FRMD4B: variants seen among roughly 807,000 people sequenced by gnomAD.
FRMD4B encodes the protein FERM domain-containing protein 4B.
Under a neutral mutation model 141.5 loss-of-function variants are expected in FRMD4B, and 74 were observed. That is an observed-to-expected ratio of 0.52 (90% confidence interval 0.43 to 0.63). The LOEUF (loss-of-function observed/expected upper bound fraction) is 0.63, where lower values mean the gene tolerates loss of function less well. Among genes scored for constraint, FRMD4B ranks in the 30% least tolerant of loss-of-function variants. The probability of loss-of-function intolerance (pLI) is 0.00; values close to 1 mark genes in which losing one functional copy is unlikely to be tolerated. For missense variants in FRMD4B, 1,366 were observed against 1,253.4 expected, an observed-to-expected ratio of 1.09 and a Z score of -1.36; for synonymous variants, 506 against 467.9, an observed-to-expected ratio of 1.08 and a Z score of -1.05.
chr3:69,413,274 A>C (rs1284097056), intron 2 of FRMD4B, among the ~76,000 whole-genome samples: 2 of 152,138 alleles, frequency 1.3e-5, no homozygotes, highest in Admixed American at 6.5e-5. Context: ...TTAATCTCTC[A>C]ATGACTCTAT....
At chr3:69,190,972 G>A (rs747185344) in intron 17 of FRMD4B, among the ~76,000 whole-genome samples, 34 of 152,194 alleles carry the variant, frequency 2.2e-4, no homozygotes, top group Admixed American at 1.2e-3. Flanking sequence ...GGGGTGAGGC[G>A]TTAGAATAAC....
At chr3:69,487,639 T>C (rs962534308) in intron 1 of FRMD4B, among the ~76,000 whole-genome samples, 2 of 152,200 alleles carry the variant, frequency 1.3e-5, no homozygotes, top group African/African-American at 4.8e-5. Context: ...CAAAGATCAC[T>C]CTTCTGTTTG....
intron 1 of FRMD4B, among the ~76,000 whole-genome samples, chr3:69,477,168 C>T (rs1163952194): frequency 2.6e-5 from 4 of 152,126 alleles, no homozygotes; most frequent in African/African-American, 9.7e-5. Flanking sequence ...AATTTGACTT[C>T]CTCTTTTCCT....
At position 69,429,970 on chromosome 3, in the gene FRMD4B, A is replaced by G. The variant is rs537036716; in HGVS notation, c.-1+2664T>C. On this transcript the variant is annotated intron_variant, in intron 2 of 5. Transcript: ENST00000459638. ...GAGACAGGGTTTCATCATGTTGACC[A>G]TGCTGGTCTCAAACTCCTGACCTCA... Among the ~76,000 whole-genome samples, 76 of 151,942 alleles carry G rather than the reference A, an allele frequency of 5.0e-4. 1 individual carries two copies. The South Asian group carries it at 0.014, about 28-fold the overall frequency.
At chr3:69,271,638 T>C (rs2093594781) in intron 5 of FRMD4B, among the ~76,000 whole-genome samples, 1 of 152,160 alleles carries the variant, frequency 6.6e-6, no homozygotes, top group African/African-American at 2.4e-5. Context: ...GAAATAGAGA[T>C]AGGTGAAATA....
intron 1 of FRMD4B, among the ~76,000 whole-genome samples, chr3:69,326,504 C>T (rs4855388): frequency 0.12 from 17,813 of 152,216 alleles, 1,132 homozygotes; most frequent in South Asian, 0.18. Flanking sequence ...GTTCTCATCT[C>T]CATAAAATGC....
chr3:69,378,476 T>C (rs1704031765), intron 1 of FRMD4B, among the ~76,000 whole-genome samples: 1 of 152,200 alleles, frequency 6.6e-6, no homozygotes. Flanking sequence ...AGTGATTGAA[T>C]AGATAGTATG....
At chr3:69,403,172 A>G (rs1469466108) in intron 2 of FRMD4B, among the ~76,000 whole-genome samples, 1 of 152,180 alleles carries the variant, frequency 6.6e-6, no homozygotes, top group Non-Finnish European at 1.5e-5. Flanking sequence ...GAAACTTAGC[A>G]AGGGTTCAGG....
intron 5 of FRMD4B, among the ~76,000 whole-genome samples, chr3:69,281,801 G>A (rs2093645560): frequency 7.0e-6 from 1 of 142,842 alleles, no homozygotes; most frequent in African/African-American, 2.6e-5. Context: ...TCCAGCCTGG[G>A]TGACAGAGTA....
chr3:69,505,031 T>G (rs1232858656), intron 1 of FRMD4B, among the ~76,000 whole-genome samples: 2 of 152,118 alleles, frequency 1.3e-5, no homozygotes, highest in Non-Finnish European at 2.9e-5. Context: ...GATTCTATCC[T>G]CTTTTGGATA....
chr3:69,340,955 G>A (rs1401521124), intron 1 of FRMD4B, among the ~76,000 whole-genome samples: 1 of 151,922 alleles, frequency 6.6e-6, no homozygotes, highest in Non-Finnish European at 1.5e-5. Flanking sequence ...AATAAAAAAA[G>A]GAGTTGCAAA....
At chr3:69,470,452 A>C (rs1705867859) in intron 1 of FRMD4B, among the ~76,000 whole-genome samples, 1 of 152,198 alleles carries the variant, frequency 6.6e-6, no homozygotes, top group Non-Finnish European at 1.5e-5. Flanking sequence ...GAGAAGAAAT[A>C]ATTTCAATTC....
chr3:69,373,313 T>G (rs6794166), intron 1 of FRMD4B, among the ~76,000 whole-genome samples: 2,561 of 152,238 alleles, frequency 0.017, 73 homozygotes, highest in African/African-American at 0.058. Context: ...GAAATGTAGG[T>G]AAATGTAGAA....
chr3:69,383,758 C>A (rs942434254), intron 1 of FRMD4B, among the ~76,000 whole-genome samples: 1 of 152,014 alleles, frequency 6.6e-6, no homozygotes, highest in Non-Finnish European at 1.5e-5. Context: ...TGGGGTCTCA[C>A]TATGTTGCTC....
At chr3:69,497,870 G>A (rs1706428365) in intron 1 of FRMD4B, among the ~76,000 whole-genome samples, 1 of 152,162 alleles carries the variant, frequency 6.6e-6, no homozygotes, top group South Asian at 2.1e-4. Context: ...ACAGGCACAT[G>A]CCACCATGTC....
At chr3:69,423,683 A>T (rs1486995545) in intron 2 of FRMD4B, among the ~76,000 whole-genome samples, 1 of 152,200 alleles carries the variant, frequency 6.6e-6, no homozygotes, top group Non-Finnish European at 1.5e-5. Flanking sequence ...CACAGTCCTC[A>T]TGAACGGGAT....
chr3:69,476,513 T>A (rs941096184), intron 1 of FRMD4B, among the ~76,000 whole-genome samples: 6 of 152,208 alleles, frequency 3.9e-5, no homozygotes, highest in Non-Finnish European at 7.3e-5. Context: ...CAGATAGTTG[T>A]AGATATGTGG....
At chr3:69,408,850 A>G (rs1243214015) in intron 2 of FRMD4B, among the ~76,000 whole-genome samples, 2 of 152,100 alleles carry the variant, frequency 1.3e-5, no homozygotes, top group African/African-American at 4.8e-5. Context: ...GCACCTGGGG[A>G]CCACTGCTTA....
chr3:69,456,221 A>G (rs929909530), intron 1 of FRMD4B, among the ~76,000 whole-genome samples: 4 of 147,074 alleles, frequency 2.7e-5, no homozygotes, highest in African/African-American at 7.7e-5. Flanking sequence ...CACTTTGTCA[A>G]TTCATGAAAC....
Sources: gnomAD v4.1 joint callset for allele counts (sites outside exome capture counted in the v4.1 genomes callset) on GRCh38, gnomAD v4.1.1 for gene constraint, MANE v1.5 for transcripts, NCBI Gene and HGNC (gene_info 2026-07-23, HGNC 2026-07-21) for gene names.